Variants in SLC35F3 observed in about 807,000 individuals in gnomAD.
The protein encoded by SLC35F3 is solute carrier family 35 member F3, also known as putative thiamine transporter SLC35F3.
In SLC35F3, 25 loss-of-function variants were observed where a neutral mutation model predicts 49.9. The observed-to-expected ratio is 0.50, with a 90% CI of 0.37 to 0.70. The LOEUF (loss-of-function observed/expected upper bound fraction) is 0.70. Ranked by LOEUF, SLC35F3 falls within the 30% of genes least tolerant of loss-of-function variation. The probability of loss-of-function intolerance (pLI) is 0.00; values close to 1 mark genes in which losing one functional copy is unlikely to be tolerated. For missense variants in SLC35F3, 525 were observed against 639.8 expected (o/e 0.82, Z 1.94); for synonymous variants, 275 against 265.4 (o/e 1.04, Z -0.35).
intron 2 of SLC35F3, among the ~76,000 whole-genome samples, chr1:234,039,880 T>C (rs1382548977): frequency 6.6e-6 from 1 of 152,156 alleles, no homozygotes; most frequent in East Asian, 1.9e-4. Flanking sequence ...AATGCTCTCT[T>C]AGTTCCGCCA....
At chr1:234,215,729 TTGGTAATTGTA>T (rs1420833964) in intron 2 of SLC35F3, among the ~76,000 whole-genome samples, 1 of 152,168 alleles carries the variant, frequency 6.6e-6, no homozygotes, top group African/African-American at 2.4e-5. Context: ...AGAGGCTGGC[TTGGTAATTGTA>T]TATCCCAAGC....
chr1:234,089,311 T>C (rs762236118), intron 2 of SLC35F3, among the ~76,000 whole-genome samples: 1 of 152,072 alleles, frequency 6.6e-6, no homozygotes, highest in African/African-American at 2.4e-5. Flanking sequence ...GATTGTGAGG[T>C]AGAACTCACT....
intron 5 of SLC35F3, 88 bp downstream of exon 5, chr1:234,316,815 A>T: frequency 6.8e-7 from 1 of 1,466,864 alleles, no homozygotes; most frequent in Non-Finnish European, 9.3e-7. Flanking sequence ...TTACTTTTCA[A>T]CAGCTTCTGA....
intron 2 of SLC35F3, among the ~76,000 whole-genome samples, chr1:233,933,806 T>C (rs1469754834): frequency 1.3e-5 from 2 of 152,126 alleles, no homozygotes; most frequent in Non-Finnish European, 2.9e-5. Flanking sequence ...TGGGTGGAGA[T>C]GGTGCCATTG....
At chr1:234,206,766 C>T (rs553754424) in intron 2 of SLC35F3, among the ~76,000 whole-genome samples, 4 of 152,148 alleles carry the variant, frequency 2.6e-5, no homozygotes, top group Non-Finnish European at 5.9e-5. Flanking sequence ...CTTCGCAGTG[C>T]GTAGGAGACC....
At chr1:233,917,146 T>C (rs1661986476) in intron 2 of SLC35F3, among the ~76,000 whole-genome samples, 1 of 152,226 alleles carries the variant, frequency 6.6e-6, no homozygotes, top group Non-Finnish European at 1.5e-5. Context: ...ATTGGCTCCA[T>C]GCCATACTTT....
At chr1:234,067,434 G>C (rs1664638472) in intron 2 of SLC35F3, among the ~76,000 whole-genome samples, 1 of 152,156 alleles carries the variant, frequency 6.6e-6, no homozygotes, top group Non-Finnish European at 1.5e-5. Context: ...GGGTGTGGTG[G>C]ATCATTTGCA....
chr1:234,118,787 A>T (rs1665530327), intron 2 of SLC35F3, among the ~76,000 whole-genome samples: 1 of 152,226 alleles, frequency 6.6e-6, no homozygotes, highest in Non-Finnish European at 1.5e-5. Flanking sequence ...AACTAGAACT[A>T]GAACCAACTC....
At position 234,223,979 on chromosome 1, in the gene SLC35F3, CTCT is replaced by C. The variant is rs60136252; in HGVS notation, c.284-7433_284-7431del. On this transcript the variant is annotated intron_variant, in intron 2 of 7. Coordinates refer to ENST00000366618, the MANE Select transcript of SLC35F3 (RefSeq NM_173508.4). ...AGATAGAAAACAAACTCCCTGATGT[CTCT>C]TCTTATAAGAAAACTAATCCTACAA... 4.3e-3 allele frequency among the ~76,000 whole-genome samples: 658 copies of C among 152,302 alleles called. 7 individuals carry two copies. The highest frequency in any genetic ancestry group is 0.015 in the African/African-American group (615 of 41,556).
chr1:234,045,941 T>A lies in SLC35F3; in HGVS notation c.283+140183T>A, dbSNP rs141795859. On this transcript the variant is annotated intron_variant, in intron 2 of 7. Transcript: ENST00000366618. ...AGCAATATCCTTGTTCAACTACTATTTATTATATTTATTCATGTTAATACA... is the reference window on the plus strand; with the variant it reads ...AGCAATATCCTTGTTCAACTACTATATATTATATTTATTCATGTTAATACA... Among the ~76,000 whole-genome samples, 363 of 152,212 alleles carry A rather than the reference T, an allele frequency of 2.4e-3. 2 individuals are homozygous for A. Among genetic ancestry groups the A allele is most frequent in the Middle Eastern group, 6.8e-3 (2 of 294 alleles).
chr1:234,275,764 AT>A (rs1483071616), intron 3 of SLC35F3, among the ~76,000 whole-genome samples: 2,782 of 100,984 alleles, frequency 0.028, 51 homozygotes, highest in African/African-American at 0.078. Context: ...AAAAAAAAAA[AT>A]ATATATATAT....
chr1:234,119,257 C>G (rs12562778), intron 2 of SLC35F3, among the ~76,000 whole-genome samples: 20,981 of 151,648 alleles, frequency 0.14, 3,184 homozygotes, highest in East Asian at 0.81. Flanking sequence ...ACACTAGCCT[C>G]CATCTTTTCC....
intron 2 of SLC35F3, among the ~76,000 whole-genome samples, chr1:234,134,375 A>G (rs17512875): frequency 0.36 from 53,928 of 148,378 alleles, 12,443 homozygotes; most frequent in Non-Finnish European, 0.52. Context: ...TATAAATATA[A>G]ATTCATTCAT....
At chr1:233,933,924 G>A (rs1479494538) in intron 2 of SLC35F3, among the ~76,000 whole-genome samples, 1 of 152,148 alleles carries the variant, frequency 6.6e-6, no homozygotes, top group African/African-American at 2.4e-5. Context: ...GCAGAGGAGG[G>A]ACTCTTACTT....
intron 3 of SLC35F3, chr1:234,306,546 A>T (rs1572145130): frequency 6.6e-6 from 1 of 152,504 alleles, no homozygotes; most frequent in African/African-American, 2.4e-5. Context: ...AATATCACAA[A>T]GCTCACCAGT....
intron 2 of SLC35F3, among the ~76,000 whole-genome samples, chr1:234,125,104 C>T (rs1665627729): frequency 6.6e-6 from 1 of 151,402 alleles, no homozygotes; most frequent in Non-Finnish European, 1.5e-5. Context: ...AGTGTGGCTC[C>T]TTTGTGTCAC....
At chr1:234,070,404 A>G (rs1450319459) in intron 2 of SLC35F3, among the ~76,000 whole-genome samples, 1 of 152,192 alleles carries the variant, frequency 6.6e-6, no homozygotes, top group Non-Finnish European at 1.5e-5. Flanking sequence ...GCTTTTAAAT[A>G]ATTTACTTTT....
chr1:234,256,119 A>G (rs572463797), intron 3 of SLC35F3, among the ~76,000 whole-genome samples: 328 of 152,278 alleles, frequency 2.2e-3, no homozygotes, highest in Middle Eastern at 3.4e-3. Flanking sequence ...TCTATTCATA[A>G]TTTTAATGTC....
rs180838655 is a variant in SLC35F3 at position 234,152,027 on chromosome 1, A to G, written c.284-79390A>G. ...ATTTCATTTCATTTTAACTTTTAGA[A>G]TATCTGAGAATAATAACCCCCAAAT... is the stretch of plus-strand genomic sequence containing the variant. On this transcript the variant is annotated intron_variant, in intron 2 of 7. Coordinates refer to ENST00000366618, the MANE Select transcript of SLC35F3 (RefSeq NM_173508.4). Among the ~76,000 whole-genome samples the G allele has an allele frequency of 1.0e-2, 1,511 of 151,794 alleles. 28 individuals are homozygous for G. Among genetic ancestry groups the G allele is most frequent in the African/African-American group, 0.034 (1,407 of 41,390 alleles).
Sources: allele counts gnomAD v4.1 joint callset (sites outside exome capture counted in the v4.1 genomes callset), GRCh38; gene constraint gnomAD v4.1.1; transcripts MANE v1.5; gene names NCBI Gene and HGNC (gene_info 2026-07-23, HGNC 2026-07-21).